Variants in ARGLU1 observed in about 807,000 individuals in gnomAD.
ARGLU1 encodes the protein arginine and glutamate-rich protein 1.
In ARGLU1, 9 loss-of-function variants were observed where a neutral mutation model predicts 37.6. The ratio of observed to expected loss-of-function variants is 0.24; its 90% CI spans 0.14 to 0.42. The LOEUF is 0.42. ARGLU1 is among the 10% of genes least tolerant of loss of function. ARGLU1 has a pLI of 1.00. For synonymous variants in ARGLU1, 166 were observed against 138.5 expected (o/e 1.20, Z -1.39); for missense variants, 211 against 359.2 (o/e 0.59, Z 3.34).
At chr13:106,547,560 G>C (rs1056164065) in intron 3 of ARGLU1, among the ~76,000 whole-genome samples, 3 of 152,040 alleles carry the variant, frequency 2.0e-5, no homozygotes, top group African/African-American at 7.3e-5. Context: ...AAAAAAGGAG[G>C]CCCCTATGTT....
At chr13:106,554,115 T>G (rs917486215) in intron 3 of ARGLU1, among the ~76,000 whole-genome samples, 6 of 152,238 alleles carry the variant, frequency 3.9e-5, no homozygotes, top group African/African-American at 1.4e-4. Flanking sequence ...CCAGGGCAAC[T>G]ATGTCATTAT....
Position 106,543,826 on chromosome 13 carries a change from A to C in ARGLU1, c.*170T>G. 1 of 24,758 alleles carries C rather than the reference A, an allele frequency of 4.0e-5. No homozygotes were observed. The allele number at this position is 24,758 out of a possible 1,614,324, so 1.5% of individuals were successfully genotyped here. On this transcript the variant is annotated 3_prime_UTR_variant, in exon 4 of 4. Transcript: ENST00000400198. ...GATAAGGATTTGACTTAGTGGAAGGAAAAAAAAAAAAAAAAAGGGAATTGC... is the reference window on the plus strand; with the variant it reads ...GATAAGGATTTGACTTAGTGGAAGGCAAAAAAAAAAAAAAAAGGGAATTGC...
chr13:106,567,870 C>T lies in ARGLU1; in HGVS notation c.50G>A (p.Ser17Asn). Residue 17 changes from serine (S) to asparagine (N), a missense_variant, in exon 1 of 4, where the codon AGC becomes AAC. This residue lies in a region of ARGLU1 where 130 missense variants were observed against 179.8 expected (regional missense o/e 0.72). Coordinates refer to ENST00000400198, the MANE Select transcript of ARGLU1 (RefSeq NM_018011.4). This position sits in a 1 kb window ranked among gnomAD's most constrained non-coding sequence, Gnocchi z 4.3. ...GCTGCGCTTCTTGTTGTGCTTGCTG[C>T]TCTTGGTGTGCTTGGAGCGGGACGA... ...RSSSRSKHTKSSKHNKKRSRS... is the reference protein window; with the variant it reads ...RSSSRSKHTKNSKHNKKRSRS... 1 of 1,612,812 alleles carries T rather than the reference C, an allele frequency of 6.2e-7. No individual in the cohort carries two copies. Among genetic ancestry groups the T allele is most frequent in the East Asian group, 2.2e-5 (1 of 44,826 alleles).
rs574521688 is a variant in ARGLU1, at chr13:106,554,648, AG to A, written c.657+2399del. On this transcript the variant is annotated intron_variant, in intron 3 of 3. Transcript: ENST00000400198. ...ACGCCTGTAATCCCAGCACTTTGGG[AG>A]GACGGTGCGGGTGGATCACAAGGTC... is the stretch of plus-strand genomic sequence containing the variant. 2.0e-5 allele frequency among the ~76,000 whole-genome samples: 3 copies of A among 152,114 alleles called. No individual in the cohort carries two copies. In the South Asian group the frequency reaches 6.2e-4, roughly 32 times the overall value.
At chr13:106,564,802 C>CA (rs760880312) in intron 1 of ARGLU1, among the ~76,000 whole-genome samples, 53 of 152,184 alleles carry the variant, frequency 3.5e-4, no homozygotes, top group Non-Finnish European at 6.3e-4. Flanking sequence ...CTAGTGCTCA[C>CA]AGTGAAGGCA....
intron 3 of ARGLU1, 58 bp from the exon 4 acceptor site, chr13:106,544,218 C>A: frequency 7.1e-7 from 1 of 1,410,158 alleles, no homozygotes; most frequent in Non-Finnish European, 9.4e-7. Flanking sequence ...TCATATGTAC[C>A]CCTGCAACAG....
Position 106,543,841 on chromosome 13 carries a change from AAG to A in ARGLU1, c.*153_*154del, listed in dbSNP as rs1283004716. 2.2e-5 allele frequency: 13 copies of A among 593,284 alleles called. No individual in the cohort carries two copies. The highest frequency in any genetic ancestry group is 1.4e-4 in the African/African-American group (7 of 50,752). The allele number at this position is 593,284 out of a possible 1,614,324, so 36.8% of individuals were successfully genotyped here. Reference sequence around the variant, plus strand: ...TAGTGGAAGGAAAAAAAAAAAAAAAAAGGGAATTGCAGAGCATAGCCCCTATT... The same window carrying A: ...TAGTGGAAGGAAAAAAAAAAAAAAAAGGAATTGCAGAGCATAGCCCCTATT... On this transcript the variant is annotated 3_prime_UTR_variant, in exon 4 of 4. Transcript: ENST00000400198.
chr13:106,566,540 G>C (rs1419690177), intron 1 of ARGLU1, among the ~76,000 whole-genome samples: 1 of 152,052 alleles, frequency 6.6e-6, no homozygotes, highest in Non-Finnish European at 1.5e-5. Flanking sequence ...TTTTCAATGC[G>C]GTTTTTGGAA....
intron 3 of ARGLU1, among the ~76,000 whole-genome samples, 161 bp downstream of exon 3, chr13:106,556,887 T>C (rs1278762858): frequency 2.0e-5 from 3 of 152,096 alleles, no homozygotes; most frequent in Non-Finnish European, 4.4e-5. Context: ...GAAGGAAAAA[T>C]CTCAATTGTT....
intron 1 of ARGLU1, among the ~76,000 whole-genome samples, chr13:106,559,961 TTC>T (rs1880751422): frequency 6.6e-6 from 1 of 152,230 alleles, no homozygotes; most frequent in Non-Finnish European, 1.5e-5. Context: ...AGAAAACCTA[TTC>T]TGTTATTGAC....
rs1189325264 is a variant in ARGLU1, at chr13:106,567,153, A to G, written c.347+420T>C. Among the ~76,000 whole-genome samples the G allele has an allele frequency of 6.6e-6, 1 of 151,842 alleles. No homozygotes were observed. Among genetic ancestry groups the G allele is most frequent in the African/African-American group, 2.4e-5 (1 of 41,324 alleles). The stretch of plus-strand genomic sequence containing the variant: ...AGCTGTGATTCGCATCTCAAAGGTT[A>G]ATTCCCTTCTCTCTCCTCCTCAAGC... On this transcript the variant is annotated intron_variant, in intron 1 of 3. Coordinates refer to ENST00000400198, the MANE Select transcript of ARGLU1 (RefSeq NM_018011.4). The surrounding 1 kb of genome is among the most constrained non-coding windows in gnomAD (Gnocchi z 4.3).
At position 106,557,633 on chromosome 13, in the gene ARGLU1, A is replaced by T; in HGVS notation, c.574-502T>A. The stretch of plus-strand genomic sequence containing the variant: ...CAGCTTCCTCTTTAAAATGATTTGT[A>T]CTGTTAGCTTGGCAATACCTGCATC... On this transcript the variant is annotated intron_variant, in intron 2 of 3. Transcript: ENST00000400198. This position sits in a 1 kb window ranked among gnomAD's most constrained non-coding sequence, Gnocchi z 5.0. The T allele has an allele frequency of 6.3e-7, 1 of 1,593,514 alleles. No individual in the cohort carries two copies. The highest frequency in any genetic ancestry group is 8.6e-7 in the Non-Finnish European group (1 of 1,169,578).
At chr13:106,564,220 C>G (rs1334569033) in intron 1 of ARGLU1, among the ~76,000 whole-genome samples, 1 of 152,192 alleles carries the variant, frequency 6.6e-6, no homozygotes, top group Middle Eastern at 3.2e-3. Flanking sequence ...AAGATCACTT[C>G]TGAAATTCAT....
intron 2 of ARGLU1, chr13:106,559,036 C>G: frequency 6.7e-6 from 8 of 1,193,754 alleles, no homozygotes; most frequent in Non-Finnish European, 8.4e-6. Flanking sequence ...AAGCCTCTCA[C>G]AGTCTAGGTA....
At chr13:106,564,253 A>T (rs1880896143) in intron 1 of ARGLU1, among the ~76,000 whole-genome samples, 1 of 152,220 alleles carries the variant, frequency 6.6e-6, no homozygotes, top group African/African-American at 2.4e-5. Context: ...GGCTCCATGT[A>T]AGTTAGTTAC....
At chr13:106,566,788 A>C (rs76802759) in intron 1 of ARGLU1, among the ~76,000 whole-genome samples, 3 of 152,200 alleles carry the variant, frequency 2.0e-5, no homozygotes, top group Non-Finnish European at 2.9e-5. Flanking sequence ...TCTTCTGAAG[A>C]AGCACAGTGT....
chr13:106,563,539 C>G (rs1012338264), intron 1 of ARGLU1, among the ~76,000 whole-genome samples: 3 of 152,086 alleles, frequency 2.0e-5, no homozygotes, highest in African/African-American at 4.8e-5. Context: ...CACGGTGGCT[C>G]ACATTTGTAA....
At chr13:106,559,332 A>G in intron 2 of ARGLU1, 100 bp downstream of exon 2, 1 of 1,561,300 alleles carries the variant, frequency 6.4e-7, no homozygotes, top group East Asian at 2.4e-5. Context: ...GGAATTAGAT[A>G]GTCTGTATTC....
At position 106,559,664 on chromosome 13, in the gene ARGLU1, A is replaced by C. The variant is rs764037688; in HGVS notation, c.348-7T>G. 5.6e-6 allele frequency: 9 copies of C among 1,602,074 alleles called. No individual in the cohort carries two copies. In the Admixed American group the frequency reaches 1.6e-4, roughly 28 times the overall value. On this transcript the variant is annotated splice_polypyrimidine_tract_variant and splice_region_variant and intron_variant, in intron 1 of 3. Transcript: ENST00000400198. ...TTCTATTTCTTGCTGTCGACTAGCAAACAAAGTGAAAAAAACAAGTTAGGT... is the reference window on the plus strand; with the variant it reads ...TTCTATTTCTTGCTGTCGACTAGCACACAAAGTGAAAAAAACAAGTTAGGT...
Sources: allele counts gnomAD v4.1 joint callset (sites outside exome capture counted in the v4.1 genomes callset), GRCh38; gene constraint gnomAD v4.1.1; regional missense constraint gnomAD v4.1.1; non-coding constraint Gnocchi (gnomAD v3.1); transcripts MANE v1.5; gene names NCBI Gene and HGNC (gene_info 2026-07-23, HGNC 2026-07-21).